Variants in VPS13A observed in about 807,000 individuals in gnomAD.
The protein encoded by VPS13A is vacuolar protein sorting 13 homolog A.
VPS13A carries 264 observed loss-of-function variants against 390.9 expected under a neutral mutation model. That is an observed-to-expected ratio of 0.68 (90% CI 0.61 to 0.75). The LOEUF is 0.75. Ranked by LOEUF, VPS13A falls within the 30% of genes least tolerant of loss-of-function variation. The pLI is 0.00. For missense variants in VPS13A, 3,409 were observed against 3,733.9 expected (o/e 0.91, Z 2.27); for synonymous variants, 1,231 against 1,227.1 (o/e 1.00, Z -0.07).
chr9:77,310,657 A>G (rs577344408), intron 35 of VPS13A, among the ~76,000 whole-genome samples: 1 of 152,232 alleles, frequency 6.6e-6, no homozygotes, highest in African/African-American at 2.4e-5. Context: ...CACATGGAAT[A>G]CTTCTTATGT....
intron 19 of VPS13A, among the ~76,000 whole-genome samples, chr9:77,240,478 G>GTTTTTTTTT (rs11351060): frequency 7.9e-6 from 1 of 126,066 alleles, no homozygotes; most frequent in African/African-American, 3.2e-5. Context: ...TTATGTTTTT[G>GTTTTTTTTT]TTTTTTTTTT....
At chr9:77,366,322 A>C (rs1168545683) in intron 60 of VPS13A, among the ~76,000 whole-genome samples, 2 of 152,104 alleles carry the variant, frequency 1.3e-5, no homozygotes, top group Non-Finnish European at 2.9e-5. Context: ...GTTTCCACTG[A>C]AGGTGTATTG....
intron 54 of VPS13A, among the ~76,000 whole-genome samples, chr9:77,356,511 G>GT (rs1240318207): frequency 4.6e-5 from 7 of 152,266 alleles, no homozygotes; most frequent in South Asian, 4.1e-4. Context: ...GATAACGGCT[G>GT]TAACACCTAG....
chr9:77,397,609 G>A (rs996523937), intron 68 of VPS13A, among the ~76,000 whole-genome samples: 2 of 152,152 alleles, frequency 1.3e-5, no homozygotes, highest in African/African-American at 4.8e-5. Context: ...ATTTGAGAGT[G>A]TTAGAAGTGT....
intron 54 of VPS13A, among the ~76,000 whole-genome samples, chr9:77,355,515 A>G (rs1296539699): frequency 2.6e-5 from 4 of 152,214 alleles, no homozygotes; most frequent in East Asian, 1.9e-4. Context: ...AATACTGCCC[A>G]GAATTTCTCT....
At chr9:77,378,865 T>C (rs77165193) in intron 67 of VPS13A, among the ~76,000 whole-genome samples, 2,620 of 152,128 alleles carry the variant, frequency 0.017, 72 homozygotes, top group East Asian at 0.12. Context: ...CTGCATCTTA[T>C]AAGTTTTGGT....
chr9:77,252,507 A>G (rs1308232886), intron 22 of VPS13A, among the ~76,000 whole-genome samples, 155 bp downstream of exon 22: 1 of 152,168 alleles, frequency 6.6e-6, no homozygotes, highest in East Asian at 1.9e-4. Context: ...AAAATTTACC[A>G]TTTTGATAAT....
Position 77,293,460 on chromosome 9 carries a change from TGGTTG to T in VPS13A, c.3460_3464del (p.Gly1154HisfsTer2). On this transcript the variant is annotated frameshift_variant, in exon 32 of 72. Coordinates refer to ENST00000360280, the MANE Select transcript of VPS13A (RefSeq NM_033305.3). LOFTEE classifies it high-confidence loss of function. ...TTGACATTCAGGTTAATTTAATAGT[TGGTTG>T]CATTGAAGTAGTTTTTGTCACGAAA... The T allele has an allele frequency of 1.2e-6, 2 of 1,603,174 alleles. No homozygotes were observed. Among genetic ancestry groups the T allele is most frequent in the Non-Finnish European group, 1.7e-6 (2 of 1,175,214 alleles).
intron 46 of VPS13A, among the ~76,000 whole-genome samples, chr9:77,333,426 A>ATTTTTTTTTT (rs34369162): frequency 7.4e-5 from 8 of 107,668 alleles, no homozygotes; most frequent in Non-Finnish European, 1.3e-4. Flanking sequence ...CTCATTAGGC[A>ATTTTTTTTTT]TTTTTTTTTT....
chr9:77,358,541 A>G (rs1174591493), intron 57 of VPS13A, 103 bp downstream of exon 57: 14 of 1,003,424 alleles, frequency 1.4e-5, no homozygotes, highest in South Asian at 1.1e-4. Flanking sequence ...TTTAATTTTT[A>G]TAGGATAATT....
chr9:77,200,418 G>A (rs1281439377), intron 2 of VPS13A, among the ~76,000 whole-genome samples: 1 of 152,180 alleles, frequency 6.6e-6, no homozygotes, highest in Non-Finnish European at 1.5e-5. Context: ...GAACCCAGGA[G>A]GTGGAGGCTG....
chr9:77,394,859 C>T (rs1834060156), intron 68 of VPS13A, among the ~76,000 whole-genome samples: 1 of 152,198 alleles, frequency 6.6e-6, no homozygotes, highest in Non-Finnish European at 1.5e-5. Flanking sequence ...TTCACCTTTT[C>T]TTCTGCAGCT....
At position 77,225,284 on chromosome 9, in the gene VPS13A, T is replaced by C. The variant is rs147029839; in HGVS notation, c.1162-642T>C. ...GATTATATATCTTTGTATAGATTTT[T>C]TTTGAGACAGAGTCTTGCTTTGTCA... On this transcript the variant is annotated intron_variant, in intron 13 of 71. Transcript: ENST00000360280. 4.9e-3 allele frequency among the ~76,000 whole-genome samples: 741 copies of C among 152,318 alleles called. 6 individuals carry two copies. The highest frequency in any genetic ancestry group is 0.017 in the African/African-American group (703 of 41,582).
At chr9:77,381,624 A>G (rs1216301876) in intron 67 of VPS13A, among the ~76,000 whole-genome samples, 2 of 152,148 alleles carry the variant, frequency 1.3e-5, no homozygotes, top group Non-Finnish European at 1.5e-5. Flanking sequence ...ACTTCACAGA[A>G]AACTCTTAGA....
At chr9:77,308,509 T>C (rs1472698185) in intron 35 of VPS13A, among the ~76,000 whole-genome samples, 1 of 152,172 alleles carries the variant, frequency 6.6e-6, no homozygotes, top group East Asian at 1.9e-4. Flanking sequence ...TATATTGATA[T>C]TAGGAATATC....
Position 77,225,423 on chromosome 9 carries a change from A to G in VPS13A, c.1162-503A>G, listed in dbSNP as rs57935774. 4.4e-3 allele frequency among the ~76,000 whole-genome samples: 662 copies of G among 152,002 alleles called. 4 individuals are homozygous for G. The highest frequency in any genetic ancestry group is 0.015 in the African/African-American group (625 of 41,460). ...GTGCCACCATGCCTAGCTAATTTGTATATGTTTTGTAGAGGTTTTGCAGTG... is the reference window on the plus strand; with the variant it reads ...GTGCCACCATGCCTAGCTAATTTGTGTATGTTTTGTAGAGGTTTTGCAGTG... On this transcript the variant is annotated intron_variant, in intron 13 of 71. Coordinates refer to ENST00000360280, the MANE Select transcript of VPS13A (RefSeq NM_033305.3).
chr9:77,236,236 A>C (rs185171659), intron 17 of VPS13A, among the ~76,000 whole-genome samples: 1 of 152,148 alleles, frequency 6.6e-6, no homozygotes, highest in Non-Finnish European at 1.5e-5. Context: ...TTCACCTTCA[A>C]AATTTCTGTT....
At chr9:77,336,087 G>A (rs886353136) in intron 46 of VPS13A, among the ~76,000 whole-genome samples, 3 of 152,136 alleles carry the variant, frequency 2.0e-5, no homozygotes, top group African/African-American at 7.2e-5. Flanking sequence ...ACCATTCTCA[G>A]CAAACTAGCA....
At chr9:77,370,140 C>G in intron 63 of VPS13A, 117 bp from the exon 64 acceptor site, 1 of 1,139,688 alleles carries the variant, frequency 8.8e-7, no homozygotes, top group Non-Finnish European at 1.3e-6. Context: ...ATATTACTTC[C>G]TCTGGGACAA....
Sources: gnomAD v4.1 joint callset for allele counts (sites outside exome capture counted in the v4.1 genomes callset) on GRCh38, gnomAD v4.1.1 for gene constraint, MANE v1.5 for transcripts, NCBI Gene and HGNC (gene_info 2026-07-23, HGNC 2026-07-21) for gene names.